Variants in ROPN1L observed in about 807,000 individuals in gnomAD.
ROPN1L encodes the protein ropporin-1-like protein.
In ROPN1L, 23 loss-of-function variants were observed where a neutral mutation model predicts 22.7. That is an observed-to-expected ratio of 1.01 (90% confidence interval 0.73 to 1.43). ROPN1L has a LOEUF of 1.43. Ranked by LOEUF, ROPN1L falls within the 40% of genes most tolerant of loss-of-function variation. The pLI, the probability that ROPN1L is intolerant of heterozygous loss-of-function variation, is 0.00. For missense variants in ROPN1L, 271 were observed against 291.5 expected, an observed-to-expected ratio of 0.93 and a Z score of 0.51; for synonymous variants, 116 against 117.8, an observed-to-expected ratio of 0.98 and a Z score of 0.10.
At chr5:10,446,720 C>T (rs527649379) in intron 1 of ROPN1L, among the ~76,000 whole-genome samples, 2 of 150,936 alleles carry the variant, frequency 1.3e-5, no homozygotes, top group East Asian at 3.9e-4. Flanking sequence ...AGGAGGGTGG[C>T]GGGTGGGGGA....
chr5:10,452,141 C>T lies in ROPN1L; in HGVS notation c.417+2028C>T, dbSNP rs543063314. 2.7e-5 allele frequency among the ~76,000 whole-genome samples: 4 copies of T among 149,686 alleles called. No individual in the cohort carries two copies. In the South Asian group the frequency reaches 8.5e-4, roughly 32 times the overall value. On this transcript the variant is annotated intron_variant, in intron 3 of 4. Transcript: ENST00000274134. ...GATTACAGGCATGCACCACCATGCT[C>T]AGCTAATTCTTGTACTTTTAGTAGA...
intron 1 of ROPN1L, among the ~76,000 whole-genome samples, chr5:10,447,296 C>G (rs546003490): frequency 6.8e-4 from 103 of 152,320 alleles, no homozygotes; most frequent in African/African-American, 2.3e-3. Flanking sequence ...CCTCCCACCA[C>G]GAGCCAGAGG....
intron 1 of ROPN1L, among the ~76,000 whole-genome samples, chr5:10,445,746 C>T (rs1741038610): frequency 6.6e-6 from 1 of 152,026 alleles, no homozygotes. Context: ...CACAACGTGG[C>T]AAGACCTTGT....
At position 10,441,919 on chromosome 5, in the gene ROPN1L, G is replaced by T. The variant is rs1211425729; in HGVS notation, c.-249G>T. The T allele has an allele frequency of 3.0e-6, 1 of 329,596 alleles. No homozygotes were observed. Among genetic ancestry groups the T allele is most frequent in the Non-Finnish European group, 5.6e-6 (1 of 179,558 alleles). The allele number at this position is 329,596 out of a possible 1,614,324, so 20.4% of individuals were successfully genotyped here. On this transcript the variant is annotated 5_prime_UTR_variant, in exon 1 of 5. Transcript: ENST00000274134. ...GGATACCGAGCGCGTCCGTAGTGGC[G>T]GCTGGCGCTAGGGAACTGCAGGGTC...
intron 3 of ROPN1L, among the ~76,000 whole-genome samples, chr5:10,452,163 T>C (rs999662784): frequency 6.6e-6 from 1 of 150,768 alleles, no homozygotes; most frequent in Non-Finnish European, 1.5e-5. Flanking sequence ...GTACTTTTAG[T>C]AGAGATGGGG....
At chr5:10,463,564 C>T (rs886713150) in intron 4 of ROPN1L, among the ~76,000 whole-genome samples, 2 of 152,312 alleles carry the variant, frequency 1.3e-5, no homozygotes, top group Middle Eastern at 3.4e-3. Flanking sequence ...GAGGTCTTCC[C>T]GGCACTTCCC....
In ROPN1L at chr5:10,450,062, C is replaced by T. The variant is rs577175782; in HGVS notation, c.366C>T (p.Asn122=). The T allele has an allele frequency of 6.2e-7, 1 of 1,613,782 alleles. No individual in the cohort carries two copies. The highest frequency in any genetic ancestry group is 1.1e-5 in the South Asian group (1 of 91,040). Residue 122 remains asparagine (N), a synonymous_variant, in exon 3 of 5, where the codon AAC becomes AAT. Coordinates refer to ENST00000274134, the MANE Select transcript of ROPN1L (RefSeq NM_031916.5). ...KALLQLDPCE[N]KIKWINFLAL... is the part of the protein sequence containing the mutation. Reference sequence around the variant, plus strand: ...TCTTACAACTGGATCCTTGTGAAAACAAAATCAAGTGGATAAACTTTTTAG... The same window carrying T: ...TCTTACAACTGGATCCTTGTGAAAATAAAATCAAGTGGATAAACTTTTTAG...
At chr5:10,445,731 GC>G (rs1409488554) in intron 1 of ROPN1L, among the ~76,000 whole-genome samples, 3 of 152,140 alleles carry the variant, frequency 2.0e-5, no homozygotes, top group Non-Finnish European at 4.4e-5. Context: ...CTCGAGACCA[GC>G]CTGCACAACG....
chr5:10,443,021 G>A (rs577312701), intron 1 of ROPN1L, among the ~76,000 whole-genome samples: 106 of 152,312 alleles, frequency 7.0e-4, no homozygotes, highest in Admixed American at 6.5e-3. Flanking sequence ...ACAAGAGTCA[G>A]CACAGGTGTA....
chr5:10,457,233 G>A (rs1267714650), intron 3 of ROPN1L, among the ~76,000 whole-genome samples: 2 of 152,116 alleles, frequency 1.3e-5, no homozygotes, highest in African/African-American at 4.8e-5. Context: ...CGTCCACCTC[G>A]GCAGCATCAG....
intron 3 of ROPN1L, among the ~76,000 whole-genome samples, chr5:10,454,769 G>C (rs189264962): frequency 1.9e-4 from 29 of 152,294 alleles, no homozygotes; most frequent in African/African-American, 7.0e-4. Flanking sequence ...AACCGGGTGC[G>C]GGAGTGCACA....
intron 3 of ROPN1L, among the ~76,000 whole-genome samples, chr5:10,452,067 A>G (rs1325607187): frequency 6.6e-6 from 1 of 151,638 alleles, no homozygotes; most frequent in Non-Finnish European, 1.5e-5. Flanking sequence ...ACTCACTGCA[A>G]CCTCCCAGGT....
intron 3 of ROPN1L, among the ~76,000 whole-genome samples, chr5:10,460,321 T>C (rs1044553235): frequency 1.3e-5 from 2 of 152,198 alleles, no homozygotes; most frequent in African/African-American, 4.8e-5. Flanking sequence ...AAGTTGGAGG[T>C]GGGAGGCCAT....
chr5:10,470,391 G>T (rs950923889), intron 4 of ROPN1L, among the ~76,000 whole-genome samples: 6 of 152,226 alleles, frequency 3.9e-5, no homozygotes, highest in African/African-American at 1.4e-4. Flanking sequence ...GATGCCAGGG[G>T]CAGCCAGGTC....
intron 4 of ROPN1L, among the ~76,000 whole-genome samples, chr5:10,463,980 C>T (rs1735100870): frequency 6.6e-6 from 1 of 152,166 alleles, no homozygotes; most frequent in African/African-American, 2.4e-5. Flanking sequence ...ATGATGCCAC[C>T]TAGGATGCAG....
chr5:10,452,438 G>C (rs558072168), intron 3 of ROPN1L, among the ~76,000 whole-genome samples: 2 of 151,148 alleles, frequency 1.3e-5, no homozygotes, highest in Admixed American at 6.6e-5. Context: ...CCAGGTTCAA[G>C]TGATTTCCAT....
At chr5:10,456,034 A>G (rs78254754) in intron 3 of ROPN1L, among the ~76,000 whole-genome samples, 3,935 of 152,336 alleles carry the variant, frequency 0.026, 182 homozygotes, top group African/African-American at 0.089. Context: ...GAGGGGCCTC[A>G]TATCATCATG....
chr5:10,475,935 G>GGATCCA (rs1256126586), downstream of ROPN1L, among the ~76,000 whole-genome samples: 8 of 152,188 alleles, frequency 5.3e-5, no homozygotes, highest in Non-Finnish European at 1.0e-4. Context: ...GATCATTCAG[G>GGATCCA]GATCCAGGTC....
chr5:10,462,971 A>T (rs1735067021), intron 4 of ROPN1L, among the ~76,000 whole-genome samples: 1 of 152,254 alleles, frequency 6.6e-6, no homozygotes, highest in Non-Finnish European at 1.5e-5. Context: ...AATGAAACGT[A>T]GACATGGATT....
Sources: gnomAD v4.1 joint callset for allele counts (sites outside exome capture counted in the v4.1 genomes callset) on GRCh38, gnomAD v4.1.1 for gene constraint, MANE v1.5 for transcripts, NCBI Gene and HGNC (gene_info 2026-07-23, HGNC 2026-07-21) for gene names.